Variants in EPAS1 observed in about 807,000 individuals in gnomAD.
EPAS1 encodes the protein endothelial PAS domain protein 1.
In EPAS1, 23 loss-of-function variants were observed where a neutral mutation model predicts 87.9. That is an observed-to-expected ratio of 0.26 (90% CI 0.19 to 0.37). The LOEUF (loss-of-function observed/expected upper bound fraction) is 0.37. EPAS1 is among the 10% of genes least tolerant of loss of function. EPAS1 has a pLI of 1.00. For missense variants in EPAS1, 1,138 were observed against 1,120.7 expected (o/e 1.02, Z -0.22); for synonymous variants, 508 against 444.3 (o/e 1.14, Z -1.80).
At chr2:46,377,528 C>T (rs1363306899) in intron 9 of EPAS1, among the ~76,000 whole-genome samples, 1 of 152,212 alleles carries the variant, frequency 6.6e-6, no homozygotes, top group African/African-American at 2.4e-5. Context: ...CAGTAGGTCT[C>T]GCGGCTTGTT....
chr2:46,343,973 C>T (rs1235122716), intron 1 of EPAS1, among the ~76,000 whole-genome samples: 1 of 152,226 alleles, frequency 6.6e-6, no homozygotes, highest in African/African-American at 2.4e-5. Context: ...ATAGGGATCC[C>T]CTGTGTGTTT....
intron 1 of EPAS1, among the ~76,000 whole-genome samples, chr2:46,318,662 G>C (rs1683392737): frequency 1.3e-5 from 2 of 152,242 alleles, no homozygotes; most frequent in South Asian, 2.1e-4. Flanking sequence ...AAGCTCTGTG[G>C]TTTTTAGTTT....
chr2:46,380,104 G>C lies in EPAS1; in HGVS notation c.1555-123G>C. ...TGATAGGCCCTCGGGAGCCAGTGGA[G>C]GCGTTTGAGCAGCACTGTGAAACAG... On this transcript the variant is annotated intron_variant, in intron 11 of 15. Coordinates refer to ENST00000263734, the MANE Select transcript of EPAS1 (RefSeq NM_001430.5). The surrounding 1 kb of genome is among the most constrained non-coding windows in gnomAD (Gnocchi z 4.4). 6.6e-7 allele frequency: 1 copy of C among 1,521,630 alleles called. No individual in the cohort carries two copies. Among genetic ancestry groups the C allele is most frequent in the Non-Finnish European group, 9.0e-7 (1 of 1,110,668 alleles). 94.3% of individuals were successfully genotyped at this position (1,521,630 alleles called of 1,614,324 possible).
chr2:46,300,856 T>TC lies in EPAS1; in HGVS notation c.26+2924dup, dbSNP rs1481455083. ...ATTGGAGACACCTGGATCTCCAATC[T>TC]CCCCCTCCTTCTGACAGCTGGACTT... On this transcript the variant is annotated intron_variant, in intron 1 of 15. Transcript: ENST00000263734. This position sits in a 1 kb window ranked among gnomAD's most constrained non-coding sequence, Gnocchi z 4.1. Among the ~76,000 whole-genome samples the TC allele has an allele frequency of 6.6e-6, 1 of 152,078 alleles. No individual in the cohort carries two copies. Among genetic ancestry groups the TC allele is most frequent in the Non-Finnish European group, 1.5e-5 (1 of 68,024 alleles).
At position 46,356,454 on chromosome 2, in the gene EPAS1, G is replaced by A. The variant is rs2278753; in HGVS notation, c.369+152G>A. The A allele has an allele frequency of 0.37, 348,911 of 955,518 alleles. 70,125 individuals carry two copies. The highest frequency in any genetic ancestry group is 0.77 in the East Asian group (29,699 of 38,508). 59.2% of individuals were successfully genotyped at this position (955,518 alleles called of 1,614,324 possible). ...CCTCAGGCCACACGCCTCAGGCCAC[G>A]CTCCCACCCCCAAGCATTGGGTTTG... On this transcript the variant is annotated intron_variant, in intron 3 of 15. Transcript: ENST00000263734.
intron 1 of EPAS1, among the ~76,000 whole-genome samples, chr2:46,325,860 A>C (rs1312040739): frequency 1.3e-5 from 2 of 152,208 alleles, no homozygotes; most frequent in African/African-American, 2.4e-5. Flanking sequence ...AAGAAACAGA[A>C]GGCTGCCATA....
chr2:46,332,950 C>T (rs1051730098), intron 1 of EPAS1, among the ~76,000 whole-genome samples: 11 of 152,166 alleles, frequency 7.2e-5, no homozygotes, highest in African/African-American at 2.7e-4. Flanking sequence ...TGCCCTTGTC[C>T]GGACTTGTTC....
chr2:46,370,926 C>T (rs1237598005), intron 7 of EPAS1, among the ~76,000 whole-genome samples: 1 of 152,162 alleles, frequency 6.6e-6, no homozygotes, highest in Non-Finnish European at 1.5e-5. Flanking sequence ...GATTCCTGCC[C>T]TAAGTGACCT....
At chr2:46,301,383 T>A (rs1682993437) in intron 1 of EPAS1, among the ~76,000 whole-genome samples, 1 of 152,064 alleles carries the variant, frequency 6.6e-6, no homozygotes, top group Non-Finnish European at 1.5e-5. Context: ...AAGACCAGCC[T>A]GGTCAACATG....
At chr2:46,355,084 C>A (rs1477237393) in intron 2 of EPAS1, among the ~76,000 whole-genome samples, 5 of 152,196 alleles carry the variant, frequency 3.3e-5, no homozygotes, top group African/African-American at 4.8e-5. Context: ...TACACTTTTC[C>A]TTGGGAGCCC....
chr2:46,335,804 G>A (rs537832744), intron 1 of EPAS1: 6 of 152,122 alleles, frequency 3.9e-5, no homozygotes, highest in Admixed American at 3.3e-4. Context: ...TTCTGCCGGC[G>A]GGCTTGAGGA....
chr2:46,384,124 G>A (rs1049592197), intron 15 of EPAS1, among the ~76,000 whole-genome samples: 1 of 152,224 alleles, frequency 6.6e-6, no homozygotes, highest in Non-Finnish European at 1.5e-5. Context: ...TCTTGAGGCA[G>A]TCTGTGTTTG....
chr2:46,361,982 G>A (rs1684399480), intron 6 of EPAS1, among the ~76,000 whole-genome samples: 1 of 152,242 alleles, frequency 6.6e-6, no homozygotes, highest in African/African-American at 2.4e-5. Flanking sequence ...GCAATGGCCG[G>A]CCCCAGGGAG....
intron 1 of EPAS1, among the ~76,000 whole-genome samples, chr2:46,343,091 A>G (rs1683943607): frequency 6.6e-6 from 1 of 152,148 alleles, no homozygotes; most frequent in Non-Finnish European, 1.5e-5. Context: ...TGCTGCTTTT[A>G]TGGAACACTG....
rs1324579632 is a variant in EPAS1 at position 46,360,742 on chromosome 2, T to A, written c.559T>A (p.Ser187Thr). 6.2e-7 allele frequency: 1 copy of A among 1,614,056 alleles called. No individual in the cohort carries two copies. Among genetic ancestry groups the A allele is most frequent in the East Asian group, 2.2e-5 (1 of 44,888 alleles). Residue 187 changes from serine to threonine, a missense_variant, in exon 5 of 16, where the codon TCA (serine) becomes ACA (threonine). By Grantham distance (58) the Ser-to-Thr change is moderately conservative. Transcript: ENST00000263734. The surrounding 1 kb of genome is among the most constrained non-coding windows in gnomAD (Gnocchi z 4.5). ...CAGAGGCCGTACTGTCAACCTCAAG[T>A]CAGCCACCTGGAAGGTAGGGCAACA... ...TNRGRTVNLKSATWKVLHCTG... is the reference protein window; with the variant it reads ...TNRGRTVNLKTATWKVLHCTG...
intron 1 of EPAS1, among the ~76,000 whole-genome samples, chr2:46,306,630 G>A (rs1311721951): frequency 2.6e-5 from 4 of 152,164 alleles, no homozygotes; most frequent in Admixed American, 2.0e-4. Flanking sequence ...GGAAAAATAC[G>A]TCACACACAG....
At chr2:46,324,683 A>T (rs762674810) in intron 1 of EPAS1, among the ~76,000 whole-genome samples, 20 of 152,362 alleles carry the variant, frequency 1.3e-4, no homozygotes, top group Non-Finnish European at 2.2e-4. Context: ...CTAGATGCCA[A>T]ACTTTTTCCG....
intron 1 of EPAS1, among the ~76,000 whole-genome samples, chr2:46,299,944 C>G (rs921099144): frequency 1.3e-5 from 2 of 152,228 alleles, no homozygotes; most frequent in African/African-American, 4.8e-5. Flanking sequence ...GCCTTGGAGG[C>G]CGCTGTGTGA....
At chr2:46,355,844 T>C (rs1023601111) in intron 2 of EPAS1, among the ~76,000 whole-genome samples, 1 of 152,226 alleles carries the variant, frequency 6.6e-6, no homozygotes, top group East Asian at 1.9e-4. Flanking sequence ...AGGTGGTTGC[T>C]GGGGGCAGCT....
Sources: gnomAD v4.1 joint callset for allele counts (sites outside exome capture counted in the v4.1 genomes callset) on GRCh38, gnomAD v4.1.1 for gene constraint, Gnocchi (gnomAD v3.1) non-coding constraint, MANE v1.5 for transcripts, NCBI Gene and HGNC (gene_info 2026-07-23, HGNC 2026-07-21) for gene names.